Variants in MTIF2 observed in about 807,000 individuals in gnomAD.
MTIF2 encodes the protein translation initiation factor IF-2, mitochondrial.
Under a neutral mutation model 83.5 loss-of-function variants are expected in MTIF2, and 71 were observed. The observed-to-expected ratio is 0.85, with a 90% CI of 0.70 to 1.04. The LOEUF (loss-of-function observed/expected upper bound fraction) is 1.04. Among genes scored for constraint, MTIF2 ranks in the 50% least tolerant of loss-of-function variants. The pLI, the probability that MTIF2 is intolerant of heterozygous loss-of-function variation, is 0.00. For synonymous variants in MTIF2, 319 were observed against 287.1 expected (o/e 1.11, Z -1.12); for missense variants, 957 against 846.5 (o/e 1.13, Z -1.62).
chr2:55,246,575 A>T (rs1676718203), intron 9 of MTIF2, 114 bp from the exon 10 acceptor site: 1 of 856,438 alleles, frequency 1.2e-6, no homozygotes. Flanking sequence ...TTTTCTCTTT[A>T]ATCATTGAAA....
chr2:55,237,166 C>A, intron 15 of MTIF2, 122 bp downstream of exon 15: 1 of 1,132,512 alleles, frequency 8.8e-7, no homozygotes, highest in Non-Finnish European at 1.2e-6. Context: ...GTTTCAATAG[C>A]AATAAGAAAT....
intron 7 of MTIF2, among the ~76,000 whole-genome samples, chr2:55,253,372 A>G (rs139799879): frequency 6.8e-4 from 103 of 152,338 alleles, no homozygotes; most frequent in African/African-American, 2.4e-3. Context: ...AGAATGAGCT[A>G]GAATTAAAAG....
Position 55,237,324 on chromosome 2 carries a change from A to AT in MTIF2, c.1974dup (p.Phe659IlefsTer2), listed in dbSNP as rs770359991. ...ACATGTCCATTACGGGTTAGTTTAA[A>AT]TTTTTTTTGTTTTTCTAACTGTCCC... On this transcript the variant is annotated frameshift_variant, in exon 15 of 16. Transcript: ENST00000263629. LOFTEE classifies it high-confidence loss of function. 27 of 1,612,116 alleles carry AT rather than the reference A, an allele frequency of 1.7e-5. No homozygotes were observed. Among genetic ancestry groups the AT allele is most frequent in the Non-Finnish European group, 2.1e-5 (25 of 1,179,514 alleles).
intron 12 of MTIF2, 55 bp downstream of exon 12, chr2:55,243,361 T>TA (rs1462969431): frequency 5.4e-6 from 8 of 1,472,886 alleles, no homozygotes; most frequent in Non-Finnish European, 7.4e-6. Context: ...ACTATGAGAA[T>TA]AAAAAAACAT....
chr2:55,268,319 G>A (rs1456675580), intron 2 of MTIF2, among the ~76,000 whole-genome samples: 1 of 152,036 alleles, frequency 6.6e-6, no homozygotes, highest in Non-Finnish European at 1.5e-5. Flanking sequence ...TTCTAAGAAT[G>A]GCACATGGAA....
chr2:55,240,200 G>T, intron 13 of MTIF2, 25 bp from the exon 14 acceptor site: 1 of 1,566,908 alleles, frequency 6.4e-7, no homozygotes, highest in Non-Finnish European at 8.7e-7. Flanking sequence ...TATGATCAAT[G>T]AAGTAGCACA....
intron 14 of MTIF2, among the ~76,000 whole-genome samples, chr2:55,237,667 T>C (rs1314184765): frequency 7.4e-6 from 1 of 136,046 alleles, no homozygotes; most frequent in Non-Finnish European, 1.6e-5. Context: ...TTTTTTTTTT[T>C]TGAGACAGAG....
rs267599413 is a variant in MTIF2 at position 55,252,501 on chromosome 2, T to G, written c.817A>C (p.Ile273Leu). 12 of 1,614,074 alleles carry G rather than the reference T, an allele frequency of 7.4e-6. No individual in the cohort carries two copies. The highest frequency in any genetic ancestry group is 4.0e-5 in the African/African-American group (3 of 74,952). ...DGVMKQTVES[I>L]QHAKDAQVPI... Reference sequence around the variant, plus strand: ...CCCTGTGCATCTTTGGCATGCTGAATAGATTCTACAGTTTGTTTCATCACT... The same window carrying G: ...CCCTGTGCATCTTTGGCATGCTGAAGAGATTCTACAGTTTGTTTCATCACT... Residue 273 changes from isoleucine (I) to leucine (L), a missense_variant, in exon 8 of 16, where the codon ATT becomes CTT. Around this residue, in one of 3 missense-constraint regions of MTIF2, gnomAD observed 733 missense variants for 648.7 expected, o/e 1.13. Transcript: ENST00000263629.
At position 55,246,522 on chromosome 2, in the gene MTIF2, C is replaced by T; in HGVS notation, c.982-61G>A. ...TAAATATTATCTGTAAATGTAAATG[C>T]CAGGGACAGAAAGTCACATAATACT... On this transcript the variant is annotated intron_variant, in intron 9 of 15. Coordinates refer to ENST00000263629, the MANE Select transcript of MTIF2 (RefSeq NM_002453.3). 4.9e-6 allele frequency: 7 copies of T among 1,423,160 alleles called. No homozygotes were observed. In the South Asian group the frequency reaches 7.2e-5, roughly 15 times the overall value. 88.2% of individuals were successfully genotyped at this position (1,423,160 alleles called of 1,614,324 possible). A position where few individuals can be genotyped will look rare whatever the true frequency, so the allele number is the denominator to read the frequency against.
rs1338335788 is a variant in MTIF2 at position 55,236,955 on chromosome 2, G to T, written c.2012-135C>A. The stretch of plus-strand genomic sequence containing the variant: ...TATGGTCTTGTCAAGTTAAATGATG[G>T]GACTAAATACCAGGGGAACCCCCTC... On this transcript the variant is annotated intron_variant, in intron 15 of 15. Transcript: ENST00000263629. 6.8e-6 allele frequency: 5 copies of T among 734,580 alleles called. No individual in the cohort carries two copies. In the East Asian group the frequency reaches 1.2e-4, roughly 18 times the overall value. 45.5% of individuals were successfully genotyped at this position (734,580 alleles called of 1,614,324 possible).
At chr2:55,255,455 A>ATG (rs991166412) in intron 5 of MTIF2, among the ~76,000 whole-genome samples, 1 of 147,124 alleles carries the variant, frequency 6.8e-6, no homozygotes, top group African/African-American at 2.5e-5. Context: ...ATATATATAT[A>ATG]TAAATCAAAT....
intron 13 of MTIF2, among the ~76,000 whole-genome samples, chr2:55,241,735 C>T (rs527786412): frequency 1.1e-4 from 17 of 152,142 alleles, no homozygotes; most frequent in Admixed American, 3.9e-4. Flanking sequence ...CCCAGCTACT[C>T]GGGAAGCTGG....
At chr2:55,255,874 A>G (rs1327193159) in intron 5 of MTIF2, among the ~76,000 whole-genome samples, 2 of 151,230 alleles carry the variant, frequency 1.3e-5, no homozygotes. Flanking sequence ...CTGAGTACTG[A>G]TTTTTTTCTC....
chr2:55,236,798 G>A lies in MTIF2; in HGVS notation c.2034C>T (p.His678=), dbSNP rs780511951. 8.7e-6 allele frequency: 14 copies of A among 1,603,846 alleles called. No individual in the cohort carries two copies. In the Admixed American group the frequency reaches 2.3e-4, roughly 26 times the overall value. Residue 678 remains histidine (H), a synonymous_variant, in exon 16 of 16, where the codon CAC becomes CAT. Transcript: ENST00000263629. ...IWKGSLTSLK[H]HKDDISIVKT... is the part of the protein sequence containing the mutation. The stretch of plus-strand genomic sequence containing the variant: ...TGACAATTGAAATGTCATCTTTATG[G>A]TGTTTCAATGAGGTTAATGAGCCTT...
At chr2:55,256,981 G>C (rs186948202) in intron 5 of MTIF2, among the ~76,000 whole-genome samples, 37 of 152,224 alleles carry the variant, frequency 2.4e-4, no homozygotes, top group African/African-American at 7.9e-4. Flanking sequence ...ACAGGTGTAA[G>C]CTACTGCACC....
chr2:55,267,406 G>A (rs554616238), intron 3 of MTIF2, among the ~76,000 whole-genome samples, 163 bp downstream of exon 3: 6 of 152,096 alleles, frequency 3.9e-5, no homozygotes, highest in Admixed American at 1.3e-4. Context: ...TGATCTATCC[G>A]CCTTGGCCTC....
At chr2:55,242,142 C>CA (rs57923810) in intron 13 of MTIF2, among the ~76,000 whole-genome samples, 176 of 88,430 alleles carry the variant, frequency 2.0e-3, no homozygotes, top group East Asian at 4.2e-3. Flanking sequence ...GCTCTGTCTC[C>CA]AAAAAAAAAA....
At position 55,240,017 on chromosome 2, in the gene MTIF2, G is replaced by T; in HGVS notation, c.1864C>A (p.Pro622Thr). 1 of 1,604,582 alleles carries T rather than the reference G, an allele frequency of 6.2e-7. No homozygotes were observed. The highest frequency in any genetic ancestry group is 8.5e-7 in the Non-Finnish European group (1 of 1,174,324). ...SRLPCAVEEH[P>T]VGEASILATF... ...ACATTCAGTGATCACTCACCTACTGGGTGCTCTTCCACAGCACAGGGTAAT... is the reference window on the plus strand; with the variant it reads ...ACATTCAGTGATCACTCACCTACTGTGTGCTCTTCCACAGCACAGGGTAAT... Residue 622 changes from proline to threonine, a missense_variant, in exon 14 of 16, where the codon CCA becomes ACA. Physicochemically the swap from Pro to Thr is conservative, Grantham distance 38. Coordinates refer to ENST00000263629, the MANE Select transcript of MTIF2 (RefSeq NM_002453.3).
In MTIF2 at chr2:55,262,338, G is replaced by A; in HGVS notation, c.309C>T (p.Ala103=). 1 of 1,611,852 alleles carries A rather than the reference G, an allele frequency of 6.2e-7. No homozygotes were observed. Residue 103 remains alanine (A), a synonymous_variant, in exon 5 of 16, where the codon GCC becomes GCT. Transcript: ENST00000263629. ...VWIGMTIEEL[A]RAMEKNTDYV... is the part of the protein sequence containing the mutation. The stretch of plus-strand genomic sequence containing the variant: ...CACCTGTGTTTTTTTCCATTGCCCT[G>A]GCCAGTTCCTCAATAGTCATTCCAA...
Sources: allele counts gnomAD v4.1 joint callset (sites outside exome capture counted in the v4.1 genomes callset), GRCh38; gene constraint gnomAD v4.1.1; regional missense constraint gnomAD v4.1.1; transcripts MANE v1.5; gene names NCBI Gene and HGNC (gene_info 2026-07-23, HGNC 2026-07-21).